FBXL7: variants seen among roughly 807,000 people sequenced by gnomAD.
FBXL7 encodes F-box and leucine rich repeat protein 7.
In FBXL7, 12 loss-of-function variants were observed where a neutral mutation model predicts 38.3. The observed-to-expected ratio is 0.31, with a 90% CI of 0.20 to 0.51. FBXL7 has a LOEUF of 0.51. Ranked by LOEUF, FBXL7 falls within the 20% of genes least tolerant of loss-of-function variation. The probability of loss-of-function intolerance (pLI) is 0.98; values close to 1 mark genes in which losing one functional copy is unlikely to be tolerated. For missense variants in FBXL7, 567 were observed against 676.4 expected, an observed-to-expected ratio of 0.84 and a Z score of 1.79; for synonymous variants, 297 against 300.9, an observed-to-expected ratio of 0.99 and a Z score of 0.13.
At chr5:15,513,245 A>G (rs1220600424) in intron 1 of FBXL7, among the ~76,000 whole-genome samples, 1 of 152,238 alleles carries the variant, frequency 6.6e-6, no homozygotes, top group Non-Finnish European at 1.5e-5. Flanking sequence ...AAATTGAGCA[A>G]ACTCCATTGT....
At chr5:15,652,514 C>G (rs1397125963) in intron 2 of FBXL7, among the ~76,000 whole-genome samples, 1 of 152,230 alleles carries the variant, frequency 6.6e-6, no homozygotes, top group African/African-American at 2.4e-5. Flanking sequence ...GATCCACCCA[C>G]CTCAGCCTCC....
At chr5:15,620,414 T>TTG (rs1491172019) in intron 2 of FBXL7, among the ~76,000 whole-genome samples, 8 of 93,934 alleles carry the variant, frequency 8.5e-5, no homozygotes, top group African/African-American at 2.6e-4. Context: ...TTGTTTTTTG[T>TTG]TTTTTTTTTT....
At chr5:15,925,049 C>A (rs1741846182) in intron 2 of FBXL7, among the ~76,000 whole-genome samples, 1 of 151,220 alleles carries the variant, frequency 6.6e-6, no homozygotes, top group Non-Finnish European at 1.5e-5. Context: ...AGCCCTATGT[C>A]ACTAGAATGA....
intron 2 of FBXL7, among the ~76,000 whole-genome samples, chr5:15,722,921 C>CAAAAAAAA (rs752341974): frequency 3.3e-5 from 2 of 60,594 alleles, no homozygotes; most frequent in East Asian, 5.6e-4. Context: ...GACTCCGTCT[C>CAAAAAAAA]AAAAAAAACA....
At chr5:15,688,591 A>G (rs1262849551) in intron 2 of FBXL7, among the ~76,000 whole-genome samples, 1 of 152,146 alleles carries the variant, frequency 6.6e-6, no homozygotes, top group Non-Finnish European at 1.5e-5. Flanking sequence ...CAGTCAGGCC[A>G]TGTTCTTGTC....
At chr5:15,935,219 T>C in intron 3 of FBXL7, 1 of 534,692 alleles carries the variant, frequency 1.9e-6, no homozygotes, top group Non-Finnish European at 3.8e-6. Flanking sequence ...CTCTGGATTT[T>C]ACACTTGGAG....
At chr5:15,811,367 C>T (rs180724671) in intron 2 of FBXL7, among the ~76,000 whole-genome samples, 22 of 152,214 alleles carry the variant, frequency 1.4e-4, no homozygotes, top group Non-Finnish European at 2.9e-4. Flanking sequence ...AAGTGTCTTT[C>T]CTTGGCTTGG....
intron 1 of FBXL7, among the ~76,000 whole-genome samples, chr5:15,591,887 T>A (rs571979447): frequency 6.6e-6 from 1 of 152,184 alleles, no homozygotes; most frequent in South Asian, 2.1e-4. Context: ...ATTCTTTGTA[T>A]TTTTAGTAGA....
At chr5:15,547,385 G>A (rs532867007) in intron 1 of FBXL7, among the ~76,000 whole-genome samples, 10 of 152,350 alleles carry the variant, frequency 6.6e-5, no homozygotes, top group Non-Finnish European at 1.3e-4. Flanking sequence ...GCAGGAGTCC[G>A]TGACAGATGA....
intron 2 of FBXL7, among the ~76,000 whole-genome samples, chr5:15,912,626 A>G (rs1579594685): frequency 6.6e-6 from 1 of 152,256 alleles, no homozygotes; most frequent in Middle Eastern, 3.4e-3. Flanking sequence ...CCAAAACATT[A>G]TTATTAACTT....
intron 2 of FBXL7, among the ~76,000 whole-genome samples, chr5:15,633,315 T>C (rs150015467): frequency 0.029 from 4,416 of 152,270 alleles, 106 homozygotes; most frequent in East Asian, 0.055. Flanking sequence ...TTTTGTTGAA[T>C]GTGACTTGAT....
At chr5:15,901,517 G>A (rs992269359) in intron 2 of FBXL7, among the ~76,000 whole-genome samples, 2 of 152,056 alleles carry the variant, frequency 1.3e-5, no homozygotes, top group African/African-American at 2.4e-5. Context: ...ATGAATGCTG[G>A]GAGGACCAAA....
intron 2 of FBXL7, among the ~76,000 whole-genome samples, chr5:15,897,709 G>A (rs966554564): frequency 2.0e-5 from 3 of 152,196 alleles, no homozygotes; most frequent in African/African-American, 7.2e-5. Context: ...AGTCAGAAAG[G>A]TATAGGAGAA....
intron 1 of FBXL7, among the ~76,000 whole-genome samples, chr5:15,514,270 C>A (rs979368390): frequency 6.6e-6 from 1 of 152,166 alleles, no homozygotes; most frequent in African/African-American, 2.4e-5. Flanking sequence ...TTAATTTAAT[C>A]TTGGGATAGC....
At chr5:15,652,395 T>C (rs977817625) in intron 2 of FBXL7, among the ~76,000 whole-genome samples, 2 of 152,066 alleles carry the variant, frequency 1.3e-5, no homozygotes, top group Admixed American at 6.5e-5. Flanking sequence ...GCCTCCCGAG[T>C]AGCTGGGACT....
chr5:15,762,011 C>T (rs1271900473), intron 2 of FBXL7, among the ~76,000 whole-genome samples: 1 of 152,182 alleles, frequency 6.6e-6, no homozygotes, highest in Non-Finnish European at 1.5e-5. Flanking sequence ...CATTATCTCA[C>T]AGTTTCTGTG....
intron 1 of FBXL7, among the ~76,000 whole-genome samples, chr5:15,552,281 C>G (rs188402296): frequency 8.5e-5 from 13 of 152,328 alleles, no homozygotes; most frequent in African/African-American, 1.7e-4. Flanking sequence ...CATGACACAA[C>G]AGTCTCCTGG....
At chr5:15,563,013 T>C (rs963603457) in intron 1 of FBXL7, among the ~76,000 whole-genome samples, 1 of 152,146 alleles carries the variant, frequency 6.6e-6, no homozygotes, top group African/African-American at 2.4e-5. Flanking sequence ...GGGGAAAATA[T>C]AGCAGAACTT....
chr5:15,541,493 A>ACAGAAG (rs1167283743), intron 1 of FBXL7, among the ~76,000 whole-genome samples: 4 of 128,056 alleles, frequency 3.1e-5, no homozygotes, highest in African/African-American at 8.6e-5. Context: ...AGGTATAGCC[A>ACAGAAG]CAGAAGTATT....
Sources: gnomAD v4.1 joint callset for allele counts (sites outside exome capture counted in the v4.1 genomes callset) on GRCh38, gnomAD v4.1.1 for gene constraint, MANE v1.5 for transcripts, NCBI Gene and HGNC (gene_info 2026-07-23, HGNC 2026-07-21) for gene names.